The following OTUD7A variants were observed in gnomAD, a reference collection of about 807,000 sequenced individuals.
OTUD7A encodes the protein OTU deubiquitinase 7A, also known as OTU domain-containing protein 7A.
A neutral mutation model predicts 65.7 loss-of-function variants in OTUD7A; 12 were observed. The ratio of observed to expected loss-of-function variants is 0.18; its 90% CI spans 0.12 to 0.30. OTUD7A has a LOEUF of 0.30. Ranked by LOEUF, OTUD7A falls within the 10% of genes least tolerant of loss-of-function variation. The pLI is 1.00. For synonymous variants in OTUD7A, 641 were observed against 586.3 expected (o/e 1.09, Z -1.35); for missense variants, 1,148 against 1,304.8 (o/e 0.88, Z 1.85).
intron 1 of OTUD7A, among the ~76,000 whole-genome samples, chr15:31,692,686 A>AT (rs147337917): frequency 0.27 from 38,324 of 142,636 alleles, 1,260 homozygotes; most frequent in African/African-American, 0.43. Flanking sequence ...CTTTGTTCAC[A>AT]TTTTTTCCCT....
rs1338092837 is a variant in OTUD7A, at chr15:31,689,626, A to T, written c.-99-32549T>A. The T allele has an allele frequency of 2.0e-5, 3 of 152,232 alleles. No homozygotes were observed. The East Asian group carries it at 5.8e-4, about 29-fold the overall frequency. The allele number at this position is 152,232 out of a possible 1,614,324, so 9.4% of individuals were successfully genotyped here. ...TTTTAAATGATTTTAAATATTTAAC[A>T]TGCATTTGAAATTGGCTGGTGAATC... On this transcript the variant is annotated intron_variant, in intron 1 of 12. Transcript: ENST00000307050.
chr15:31,567,616 C>T (rs535213457), intron 4 of OTUD7A, among the ~76,000 whole-genome samples: 18 of 152,208 alleles, frequency 1.2e-4, no homozygotes, highest in Non-Finnish European at 2.2e-4. Flanking sequence ...TAAATGAGTG[C>T]TATTACCTAA....
At position 31,500,006 on chromosome 15, in the gene OTUD7A, G is replaced by T. The variant is rs149966893; in HGVS notation, c.1171+1684C>A. Among the ~76,000 whole-genome samples, 155 of 152,306 alleles carry T rather than the reference G, an allele frequency of 1.0e-3. No homozygotes were observed. In the East Asian group the frequency reaches 0.018, roughly 18 times the overall value. On this transcript the variant is annotated intron_variant, in intron 10 of 12. Transcript: ENST00000307050. ...ATCTGGAAGGCCTGGAAGAGTACTC[G>T]GTGCCTTTTGCGAGGAGGGGGTCGG...
intron 1 of OTUD7A, among the ~76,000 whole-genome samples, chr15:31,802,939 G>A (rs183648231): frequency 4.1e-4 from 63 of 152,276 alleles, no homozygotes; most frequent in Non-Finnish European, 4.4e-4. Flanking sequence ...TGGAAGGAGA[G>A]GAATCTCTGA....
At chr15:31,760,325 G>GT (rs1319908052) in intron 1 of OTUD7A, among the ~76,000 whole-genome samples, 3 of 152,236 alleles carry the variant, frequency 2.0e-5, no homozygotes, top group African/African-American at 7.2e-5. Context: ...TATATGAGAT[G>GT]TTTTTAAGTT....
At chr15:31,537,917 G>A (rs369274138) in intron 5 of OTUD7A, among the ~76,000 whole-genome samples, 82 of 152,206 alleles carry the variant, frequency 5.4e-4, no homozygotes, top group Non-Finnish European at 1.0e-3. Context: ...GGCAGACCTC[G>A]TTGTCTTGCC....
At chr15:31,770,629 C>T (rs1416750915) in intron 1 of OTUD7A, among the ~76,000 whole-genome samples, 1 of 152,156 alleles carries the variant, frequency 6.6e-6, no homozygotes, top group Non-Finnish European at 1.5e-5. Flanking sequence ...AGGCCAATAT[C>T]CTTCATGAAC....
Position 31,573,471 on chromosome 15 carries a change from C to T in OTUD7A, c.152-3274G>A, listed in dbSNP as rs534743065. Among the ~76,000 whole-genome samples, 53 of 152,278 alleles carry T rather than the reference C, an allele frequency of 3.5e-4. 1 individual carries two copies. The highest frequency in any genetic ancestry group is 1.3e-3 in the African/African-American group (52 of 41,554). The stretch of plus-strand genomic sequence containing the variant: ...CTAAGGAAAAGCAAAGGTAGAGATA[C>T]AAGTGATGAAGAAGAATATCAATAT... On this transcript the variant is annotated intron_variant, in intron 3 of 12. Transcript: ENST00000307050.
chr15:31,635,529 C>A (rs1360312074), intron 3 of OTUD7A, among the ~76,000 whole-genome samples: 1 of 152,240 alleles, frequency 6.6e-6, no homozygotes, highest in Admixed American at 6.5e-5. Context: ...CACTGCCTTG[C>A]CGCTGCACTG....
At chr15:31,637,080 T>A (rs554012893) in intron 3 of OTUD7A, among the ~76,000 whole-genome samples, 26 of 152,318 alleles carry the variant, frequency 1.7e-4, no homozygotes, top group African/African-American at 5.5e-4. Flanking sequence ...CTGATTAAGG[T>A]GGCTACACTA....
At chr15:31,514,738 A>C (rs1201516964) in intron 8 of OTUD7A, among the ~76,000 whole-genome samples, 5 of 152,132 alleles carry the variant, frequency 3.3e-5, no homozygotes. Context: ...GTGTCCTCCC[A>C]TCCCCCACCC....
At chr15:31,731,241 T>C (rs895241036) in intron 1 of OTUD7A, among the ~76,000 whole-genome samples, 5 of 152,236 alleles carry the variant, frequency 3.3e-5, no homozygotes, top group Non-Finnish European at 5.9e-5. Context: ...TTTCTGATTT[T>C]GCATTCTAAA....
intron 1 of OTUD7A, among the ~76,000 whole-genome samples, chr15:31,864,922 GAAC>G (rs1415039152): frequency 6.6e-6 from 1 of 152,076 alleles, no homozygotes; most frequent in African/African-American, 2.4e-5. Context: ...TCCTTTTATT[GAAC>G]AACTTATCAA....
intron 3 of OTUD7A, among the ~76,000 whole-genome samples, chr15:31,627,883 T>G (rs1391536285): frequency 6.6e-6 from 1 of 152,256 alleles, no homozygotes. Context: ...GCTGCATAAA[T>G]GTCTTCTTTT....
chr15:31,614,171 G>C (rs111400074), intron 3 of OTUD7A, among the ~76,000 whole-genome samples: 36 of 152,116 alleles, frequency 2.4e-4, no homozygotes, highest in African/African-American at 8.4e-4. Context: ...GAGGGCAAGG[G>C]AAAAAAGACT....
At chr15:31,562,401 G>A (rs1004873268) in intron 4 of OTUD7A, among the ~76,000 whole-genome samples, 1 of 152,180 alleles carries the variant, frequency 6.6e-6, no homozygotes, top group Non-Finnish European at 1.5e-5. Context: ...CCTGGTACCT[G>A]GTGCCTCTGA....
intron 3 of OTUD7A, among the ~76,000 whole-genome samples, chr15:31,626,268 A>G: frequency 6.6e-6 from 1 of 152,236 alleles, no homozygotes; most frequent in Non-Finnish European, 1.5e-5. Context: ...TAAGCTACGT[A>G]TCTACAACTT....
chr15:31,700,194 C>T (rs1893182009), intron 1 of OTUD7A, among the ~76,000 whole-genome samples: 1 of 151,414 alleles, frequency 6.6e-6, no homozygotes, highest in East Asian at 2.0e-4. Flanking sequence ...CTCACTGATT[C>T]CTTTTCCAAC....
chr15:31,699,279 C>T (rs1201425291), intron 1 of OTUD7A, among the ~76,000 whole-genome samples: 1 of 152,088 alleles, frequency 6.6e-6, no homozygotes, highest in East Asian at 1.9e-4. Flanking sequence ...TGGGGTTTCA[C>T]CGTGTTAGCC....
Sources: allele counts gnomAD v4.1 joint callset (sites outside exome capture counted in the v4.1 genomes callset), GRCh38; gene constraint gnomAD v4.1.1; transcripts MANE v1.5; gene names NCBI Gene and HGNC (gene_info 2026-07-23, HGNC 2026-07-21).